Variants in BLNK observed in about 807,000 individuals in gnomAD.
The protein encoded by BLNK is B-cell linker protein.
In BLNK, 29 loss-of-function variants were observed where a neutral mutation model predicts 73.5. The ratio of observed to expected loss-of-function variants is 0.39; its 90% CI spans 0.29 to 0.54. The LOEUF is 0.54. Ranked by LOEUF, BLNK falls within the 20% of genes least tolerant of loss-of-function variation. The pLI, the probability that BLNK is intolerant of heterozygous loss-of-function variation, is 0.61. For missense variants in BLNK, 460 were observed against 562.8 expected (o/e 0.82, Z 1.85); for synonymous variants, 176 against 200.8 (o/e 0.88, Z 1.04).
intron 4 of BLNK, among the ~76,000 whole-genome samples, chr10:96,228,611 G>A (rs782375073): frequency 6.6e-6 from 1 of 152,064 alleles, no homozygotes; most frequent in Non-Finnish European, 1.5e-5. Flanking sequence ...ACATTGTCAC[G>A]GTCTGAAGTC....
chr10:96,230,104 A>G (rs1564834123), intron 4 of BLNK, among the ~76,000 whole-genome samples: 1 of 152,184 alleles, frequency 6.6e-6, no homozygotes. Context: ...TAAGTGAGGA[A>G]TAATTATTGT....
intron 8 of BLNK, 59 bp downstream of exon 8, chr10:96,215,262 A>G: frequency 6.7e-7 from 1 of 1,503,348 alleles, no homozygotes; most frequent in Non-Finnish European, 9.3e-7. Flanking sequence ...TTCATAGTTG[A>G]TCTGTTTTTC....
intron 11 of BLNK, among the ~76,000 whole-genome samples, chr10:96,206,139 T>C (rs2083799900): frequency 6.6e-6 from 1 of 152,166 alleles, no homozygotes; most frequent in Non-Finnish European, 1.5e-5. Context: ...TTGTAGTGCA[T>C]GCTCAGAAAA....
At chr10:96,203,216 G>A (rs782749942) in intron 13 of BLNK, among the ~76,000 whole-genome samples, 22 of 152,034 alleles carry the variant, frequency 1.4e-4, no homozygotes, top group Non-Finnish European at 2.2e-4. Context: ...ACGGTAAAAG[G>A]TATAATAAAC....
chr10:96,189,982 T>A lies in BLNK; in HGVS notation c.*1991A>T, dbSNP rs1408644428. ...GGGAAACTGTTGGCTGTACAGACAT[T>A]TTCAAAGGTGCCAGTGTTATTTAAT... On this transcript the variant is annotated 3_prime_UTR_variant, in exon 17 of 17. Transcript: ENST00000224337. 3 of 839,954 alleles carry A rather than the reference T, an allele frequency of 3.6e-6. No individual in the cohort carries two copies. The highest frequency in any genetic ancestry group is 6.1e-6 in the Non-Finnish European group (3 of 488,608). The allele number at this position is 839,954 out of a possible 1,614,324, so 52.0% of individuals were successfully genotyped here.
At chr10:96,260,123 G>T (rs1675619502) in intron 1 of BLNK, among the ~76,000 whole-genome samples, 1 of 152,144 alleles carries the variant, frequency 6.6e-6, no homozygotes, top group Admixed American at 6.5e-5. Flanking sequence ...CCTGGCAGAG[G>T]TCTTGAATAA....
intron 6 of BLNK, among the ~76,000 whole-genome samples, chr10:96,220,037 G>A (rs2084158178): frequency 6.6e-6 from 1 of 151,964 alleles, no homozygotes; most frequent in Non-Finnish European, 1.5e-5. Flanking sequence ...AATAAGATTA[G>A]GGTGGGGCGA....
intron 11 of BLNK, chr10:96,204,860 G>A: frequency 2.1e-6 from 1 of 465,390 alleles, no homozygotes; most frequent in Non-Finnish European, 4.0e-6. Context: ...TCATCCACTG[G>A]CAATGTACAT....
chr10:96,239,124 T>G (rs1842799524), intron 3 of BLNK: 3 of 398,496 alleles, frequency 7.5e-6, no homozygotes, highest in Non-Finnish European at 1.3e-5. Context: ...TGTTCTGACA[T>G]CAAGACTATT....
At chr10:96,229,654 C>CTGTCTG (rs1554903570) in intron 4 of BLNK, among the ~76,000 whole-genome samples, 3 of 142,586 alleles carry the variant, frequency 2.1e-5, no homozygotes, top group Non-Finnish European at 4.6e-5. Flanking sequence ...TTACATGTGG[C>CTGTCTG]TGTGTGTGTG....
intron 2 of BLNK, among the ~76,000 whole-genome samples, chr10:96,245,766 T>C (rs1363669338): frequency 5.3e-5 from 8 of 152,238 alleles, no homozygotes; most frequent in Non-Finnish European, 1.0e-4. Flanking sequence ...GTGTATAGTA[T>C]GTACAATGTC....
At chr10:96,207,136 AT>A in intron 10 of BLNK, 83 bp from the exon 11 acceptor site, 1 of 1,333,480 alleles carries the variant, frequency 7.5e-7, no homozygotes, top group Non-Finnish European at 1.1e-6. Flanking sequence ...TAAAATAAAT[AT>A]TTTGGCAGCA....
At chr10:96,202,553 C>T (rs587750481) in intron 13 of BLNK, among the ~76,000 whole-genome samples, 8 of 152,274 alleles carry the variant, frequency 5.3e-5, no homozygotes, top group Middle Eastern at 3.4e-3. Context: ...TCTGGATAAA[C>T]TAAGTGCTTC....
At chr10:96,222,990 A>G (rs7905362) in intron 6 of BLNK, among the ~76,000 whole-genome samples, 13,839 of 152,094 alleles carry the variant, frequency 0.091, 1,307 homozygotes, top group African/African-American at 0.24. Flanking sequence ...GCCAGGGAAA[A>G]GCAGTCTCCC....
At chr10:96,212,596 G>A (rs587727864) in intron 8 of BLNK, among the ~76,000 whole-genome samples, 6 of 152,216 alleles carry the variant, frequency 3.9e-5, no homozygotes, top group Non-Finnish European at 7.4e-5. Context: ...CAGCGGGGAC[G>A]GCAGGGGCTG....
At chr10:96,219,200 G>A (rs782622589) in intron 6 of BLNK, among the ~76,000 whole-genome samples, 5 of 152,182 alleles carry the variant, frequency 3.3e-5, no homozygotes, top group South Asian at 2.1e-4. Flanking sequence ...CTGGCCAGTC[G>A]AATGCCTCAC....
chr10:96,203,979 T>G, intron 13 of BLNK, 78 bp downstream of exon 13: 1 of 1,277,398 alleles, frequency 7.8e-7, no homozygotes, highest in Non-Finnish European at 1.1e-6. Flanking sequence ...CAGTGCTGTG[T>G]TAGAACCCAG....
In BLNK at chr10:96,189,361, TAA is replaced by T. The variant is rs1383878821; in HGVS notation, c.*2610_*2611del. Reference sequence around the variant, plus strand: ...TTAACAAATTGTTTAAACTATTTTCTAAAGAGACTTCCTCCACTGCCAGGATC... The same window carrying T: ...TTAACAAATTGTTTAAACTATTTTCTAGAGACTTCCTCCACTGCCAGGATC... On this transcript the variant is annotated 3_prime_UTR_variant, in exon 17 of 17. Transcript: ENST00000224337. 64 of 564,260 alleles carry T rather than the reference TAA, an allele frequency of 1.1e-4. No homozygotes were observed. In the African/African-American group the frequency reaches 1.2e-3, roughly 10 times the overall value. 35.0% of individuals were successfully genotyped at this position (564,260 alleles called of 1,614,324 possible).
chr10:96,201,846 T>C (rs1273111733), intron 13 of BLNK, among the ~76,000 whole-genome samples: 2 of 152,224 alleles, frequency 1.3e-5, no homozygotes, highest in Non-Finnish European at 2.9e-5. Context: ...CCTGCTCTCC[T>C]GGAACTTAAA....
Sources: gnomAD v4.1 joint callset for allele counts (sites outside exome capture counted in the v4.1 genomes callset) on GRCh38, gnomAD v4.1.1 for gene constraint, MANE v1.5 for transcripts, NCBI Gene and HGNC (gene_info 2026-07-23, HGNC 2026-07-21) for gene names.